The following ANKRD30B variants were observed in gnomAD, a reference collection of about 807,000 sequenced individuals.
ANKRD30B encodes ankyrin repeat domain-containing protein 30B.
Under a neutral mutation model 202.2 loss-of-function variants are expected in ANKRD30B, and 144 were observed. The observed-to-expected ratio is 0.71, with a 90% CI of 0.62 to 0.82. The LOEUF (loss-of-function observed/expected upper bound fraction) is 0.82. Ranked by LOEUF, ANKRD30B falls within the 40% of genes least tolerant of loss-of-function variation. The probability of loss-of-function intolerance (pLI) is 0.00; values close to 1 mark genes in which losing one functional copy is unlikely to be tolerated. For synonymous variants in ANKRD30B, 508 were observed against 561.3 expected (o/e 0.91, Z 1.34); for missense variants, 1,487 against 1,669.1 (o/e 0.89, Z 1.90).
chr18:14,825,616 T>C (rs1970625951), intron 32 of ANKRD30B, among the ~76,000 whole-genome samples: 1 of 151,856 alleles, frequency 6.6e-6, no homozygotes, highest in East Asian at 1.9e-4. Context: ...ACTGAAGCTA[T>C]GCAACCCCCC....
chr18:14,893,737 TA>T, the ANKRD30B span, among the ~76,000 whole-genome samples: 2 of 151,922 alleles, frequency 1.3e-5, no homozygotes, highest in East Asian at 3.9e-4. Context: ...CAATATAAGT[TA>T]ATTATACTTG....
At chr18:14,824,862 A>G (rs553421853) in intron 32 of ANKRD30B, among the ~76,000 whole-genome samples, 10 of 152,324 alleles carry the variant, frequency 6.6e-5, no homozygotes, top group African/African-American at 2.2e-4. Flanking sequence ...GCAGTCATAG[A>G]TAACATGTGA....
chr18:14,808,200 CG>C (rs981905503), intron 24 of ANKRD30B, among the ~76,000 whole-genome samples: 3 of 149,208 alleles, frequency 2.0e-5, no homozygotes, highest in Non-Finnish European at 4.5e-5. Flanking sequence ...TTTTTTTTGG[CG>C]GGGGGTCATG....
At chr18:14,821,257 T>C (rs1488103270) in intron 30 of ANKRD30B, among the ~76,000 whole-genome samples, 1 of 152,126 alleles carries the variant, frequency 6.6e-6, no homozygotes, top group South Asian at 2.1e-4. Flanking sequence ...TCTCCCTTTT[T>C]TTCTTTATTA....
chr18:14,882,163 G>A, the ANKRD30B span, among the ~76,000 whole-genome samples: 1 of 152,002 alleles, frequency 6.6e-6, no homozygotes, highest in East Asian at 1.9e-4. Context: ...ATTGGGTTTG[G>A]CTTGTTCCTG....
intron 3 of ANKRD30B, among the ~76,000 whole-genome samples, chr18:14,753,271 GT>G (rs900918635): frequency 8.6e-5 from 13 of 151,284 alleles, no homozygotes; most frequent in Middle Eastern, 3.4e-3. Context: ...CCTACCCAAG[GT>G]TTTTTTTTCT....
At chr18:14,883,373 CTCT>C in the ANKRD30B span, among the ~76,000 whole-genome samples, 1 of 53,284 alleles carries the variant, frequency 1.9e-5, no homozygotes, top group Non-Finnish European at 3.6e-5. Flanking sequence ...CTGTCTGTCT[CTCT>C]CTCTCTCTCT....
At chr18:14,850,917 A>G (rs1376247481) in intron 41 of ANKRD30B, among the ~76,000 whole-genome samples, 1 of 151,946 alleles carries the variant, frequency 6.6e-6, no homozygotes, top group African/African-American at 2.4e-5. Context: ...CAACTTGATT[A>G]TATTTTTAAT....
At chr18:14,875,539 G>C in the ANKRD30B span, among the ~76,000 whole-genome samples, 1 of 152,170 alleles carries the variant, frequency 6.6e-6, no homozygotes, top group Non-Finnish European at 1.5e-5. Flanking sequence ...GAGAAACTGC[G>C]AGGGAAGAGA....
At chr18:14,837,883 G>A (rs1971250192) in intron 36 of ANKRD30B, among the ~76,000 whole-genome samples, 1 of 152,162 alleles carries the variant, frequency 6.6e-6, no homozygotes, top group African/African-American at 2.4e-5. Context: ...GGGCATGGTG[G>A]CGGGCACCTG....
At position 14,803,834 on chromosome 18, in the gene ANKRD30B, A is replaced by G. The variant is rs768192721; in HGVS notation, c.2284+10A>G. ...AGTGGAAAATTAGAAGGTAAGAACC[A>G]TATTTTATTTAAAAAGTCATTTGAC... On this transcript the variant is annotated intron_variant, in intron 24 of 43. Coordinates refer to ENST00000690538, the MANE Select transcript of ANKRD30B (RefSeq NM_001367607.2). 8 of 1,569,646 alleles carry G rather than the reference A, an allele frequency of 5.1e-6. No individual in the cohort carries two copies. The highest frequency in any genetic ancestry group is 4.7e-5 in the South Asian group (4 of 85,088).
intron 16 of ANKRD30B, 45 bp from the exon 17 acceptor site, chr18:14,796,176 G>A (rs1459572922): frequency 1.9e-6 from 3 of 1,541,076 alleles, no homozygotes; most frequent in South Asian, 2.2e-5. Flanking sequence ...GGTAGGCTTT[G>A]TCAGGCTTGC....
the ANKRD30B span, among the ~76,000 whole-genome samples, chr18:14,865,100 A>G: frequency 7.1e-6 from 1 of 140,060 alleles, no homozygotes; most frequent in African/African-American, 2.7e-5. Flanking sequence ...TTCTCCTCCC[A>G]CTTGCCACCC....
intron 8 of ANKRD30B, among the ~76,000 whole-genome samples, chr18:14,770,864 A>G (rs1383164390): frequency 6.6e-6 from 1 of 152,088 alleles, no homozygotes; most frequent in Non-Finnish European, 1.5e-5. Flanking sequence ...TCCGATAGAA[A>G]TGTCCTATTC....
the ANKRD30B span, chr18:14,888,809 C>T: frequency 9.5e-7 from 1 of 1,049,722 alleles, no homozygotes; most frequent in Non-Finnish European, 1.4e-6. Context: ...CATTTCCCCT[C>T]CATTGTGTGT....
At position 14,750,950 on chromosome 18, in the gene ANKRD30B, T is replaced by C. The variant is rs1289704513; in HGVS notation, c.222-1616T>C. ...TTATCTTTGATTTCTGCATTGAGCA[T>C]GTACGATGCTATTAGTAAAAGTTTA... On this transcript the variant is annotated intron_variant, in intron 1 of 43. Coordinates refer to ENST00000690538, the MANE Select transcript of ANKRD30B (RefSeq NM_001367607.2). 2.0e-5 allele frequency among the ~76,000 whole-genome samples: 3 copies of C among 152,066 alleles called. No individual in the cohort carries two copies. In the East Asian group the frequency reaches 5.8e-4, roughly 29 times the overall value.
At chr18:14,856,626 C>G (rs1208090628), downstream of ANKRD30B, among the ~76,000 whole-genome samples, 1 of 115,906 alleles carries the variant, frequency 8.6e-6, no homozygotes, top group Non-Finnish European at 1.9e-5. Context: ...CAGGCAGAGG[C>G]GCTCCTCAGT....
chr18:14,928,476 G>A, the ANKRD30B span, among the ~76,000 whole-genome samples: 1 of 152,136 alleles, frequency 6.6e-6, no homozygotes, highest in African/African-American at 2.4e-5. Flanking sequence ...AGAACAAAGT[G>A]GTGGAGGAAG....
intron 15 of ANKRD30B, among the ~76,000 whole-genome samples, chr18:14,789,603 C>T (rs895854335): frequency 2.0e-5 from 3 of 152,070 alleles, no homozygotes; most frequent in African/African-American, 7.2e-5. Context: ...TCAGCTTTCT[C>T]CATATGGCTA....
Sources: gnomAD v4.1 joint callset for allele counts (sites outside exome capture counted in the v4.1 genomes callset) on GRCh38, gnomAD v4.1.1 for gene constraint, MANE v1.5 for transcripts, NCBI Gene and HGNC (gene_info 2026-07-23, HGNC 2026-07-21) for gene names.